The following PTPRR variants were observed in gnomAD, a reference collection of about 807,000 sequenced individuals.
PTPRR encodes the protein receptor-type tyrosine-protein phosphatase R.
A neutral mutation model predicts 77.2 loss-of-function variants in PTPRR; 38 were observed. The ratio of observed to expected loss-of-function variants is 0.49; its 90% CI spans 0.38 to 0.65. The LOEUF (loss-of-function observed/expected upper bound fraction) is 0.65. Among genes scored for constraint, PTPRR ranks in the 30% least tolerant of loss-of-function variants. The pLI is 0.00. For missense variants in PTPRR, 744 were observed against 799.2 expected, an observed-to-expected ratio of 0.93 and a Z score of 0.83; for synonymous variants, 299 against 283.1, an observed-to-expected ratio of 1.06 and a Z score of -0.57.
chr12:70,916,741 C>A (rs1480878858), intron 1 of PTPRR, among the ~76,000 whole-genome samples: 8 of 152,154 alleles, frequency 5.3e-5, no homozygotes, highest in African/African-American at 1.9e-4. Context: ...CCTCCCAGAT[C>A]TTCTTGGTAC....
chr12:70,689,818 A>G (rs1443476696), intron 8 of PTPRR, among the ~76,000 whole-genome samples: 1 of 152,194 alleles, frequency 6.6e-6, no homozygotes, highest in Non-Finnish European at 1.5e-5. Context: ...ATATCCAAAT[A>G]TGTACTTTAA....
At chr12:70,835,259 AT>A (rs760088076) in intron 2 of PTPRR, among the ~76,000 whole-genome samples, 4 of 152,132 alleles carry the variant, frequency 2.6e-5, no homozygotes, top group African/African-American at 4.8e-5. Flanking sequence ...TAAAATTGCT[AT>A]TTGAGAGGTC....
chr12:70,862,031 C>T (rs1213544629), intron 2 of PTPRR, among the ~76,000 whole-genome samples: 3 of 152,094 alleles, frequency 2.0e-5, no homozygotes, highest in Non-Finnish European at 4.4e-5. Flanking sequence ...CATGACCAGA[C>T]CTTTCCCACA....
chr12:70,800,583 G>C (rs1891597636), intron 2 of PTPRR, among the ~76,000 whole-genome samples: 1 of 151,966 alleles, frequency 6.6e-6, no homozygotes, highest in African/African-American at 2.4e-5. Flanking sequence ...ATTTACTAAT[G>C]AGGTAACTGA....
At chr12:70,816,430 C>A (rs916460965) in intron 2 of PTPRR, among the ~76,000 whole-genome samples, 1 of 151,750 alleles carries the variant, frequency 6.6e-6, no homozygotes, top group Non-Finnish European at 1.5e-5. Flanking sequence ...TAAGTCCTGG[C>A]CCAAGGAAAG....
At chr12:70,761,064 C>T (rs1471218902) in intron 4 of PTPRR, among the ~76,000 whole-genome samples, 1 of 152,030 alleles carries the variant, frequency 6.6e-6, no homozygotes, top group East Asian at 1.9e-4. Context: ...ATCTGGTGAC[C>T]ATTTTGACAA....
chr12:70,747,622 T>C (rs1044232402), intron 5 of PTPRR, among the ~76,000 whole-genome samples: 1 of 152,212 alleles, frequency 6.6e-6, no homozygotes, highest in Non-Finnish European at 1.5e-5. Flanking sequence ...TTCCTTACCA[T>C]TCATGAGCTT....
chr12:70,795,056 T>C (rs896386953), intron 2 of PTPRR, among the ~76,000 whole-genome samples: 1 of 152,206 alleles, frequency 6.6e-6, no homozygotes, highest in African/African-American at 2.4e-5. Flanking sequence ...ATAATCTCTG[T>C]TATAATGCAA....
At chr12:70,643,827 C>T (rs1332996567) in intron 13 of PTPRR, among the ~76,000 whole-genome samples, 1 of 151,688 alleles carries the variant, frequency 6.6e-6, no homozygotes, top group East Asian at 1.9e-4. Flanking sequence ...CTGGCTGGAT[C>T]GTGGCTCACT....
intron 2 of PTPRR, among the ~76,000 whole-genome samples, chr12:70,840,487 G>A (rs1181198238): frequency 6.6e-6 from 1 of 152,090 alleles, no homozygotes; most frequent in African/African-American, 2.4e-5. Flanking sequence ...CAGGAACTAG[G>A]ATGTGGACAT....
At chr12:70,656,419 G>A (rs1029307524) in intron 13 of PTPRR, among the ~76,000 whole-genome samples, 7 of 151,832 alleles carry the variant, frequency 4.6e-5, no homozygotes, top group South Asian at 2.1e-4. Flanking sequence ...TCCTAGCTAC[G>A]TGCGGGGGCT....
At chr12:70,658,094 A>G (rs796173469) in intron 12 of PTPRR, among the ~76,000 whole-genome samples, 6 of 152,170 alleles carry the variant, frequency 3.9e-5, no homozygotes, top group African/African-American at 1.4e-4. Context: ...CAAAATCTGA[A>G]TGTGACTAAC....
At position 70,638,457 on chromosome 12, in the gene PTPRR, G is replaced by C. The variant is rs1258081746; in HGVS notation, c.*727C>G. On this transcript the variant is annotated 3_prime_UTR_variant, in exon 14 of 14. Transcript: ENST00000283228. Reference sequence around the variant, plus strand: ...TGACTCACGATGTGGAAATACAGTGGATAGAGTTCTGGAGCAGAAGCCACC... The same window carrying C: ...TGACTCACGATGTGGAAATACAGTGCATAGAGTTCTGGAGCAGAAGCCACC... The C allele has an allele frequency of 6.6e-6, 1 of 152,550 alleles. No homozygotes were observed. Among genetic ancestry groups the C allele is most frequent in the Non-Finnish European group, 1.5e-5 (1 of 68,030 alleles). The allele number at this position is 152,550 out of a possible 1,614,324, so 9.4% of individuals were successfully genotyped here. A position where few individuals can be genotyped will look rare whatever the true frequency, so the allele number is the denominator to read the frequency against.
At chr12:70,916,986 G>C (rs531465747) in intron 1 of PTPRR, among the ~76,000 whole-genome samples, 1 of 152,270 alleles carries the variant, frequency 6.6e-6, no homozygotes, top group Admixed American at 6.5e-5. Context: ...GAAAAAGAAA[G>C]CTTTCACATG....
chr12:70,687,947 A>C (rs1887928438), intron 8 of PTPRR, among the ~76,000 whole-genome samples: 1 of 152,150 alleles, frequency 6.6e-6, no homozygotes, highest in African/African-American at 2.4e-5. Context: ...CCCTATGGAG[A>C]TGGAAGCTAG....
chr12:70,840,899 T>C (rs956060105), intron 2 of PTPRR, among the ~76,000 whole-genome samples: 1 of 151,584 alleles, frequency 6.6e-6, no homozygotes, highest in Non-Finnish European at 1.5e-5. Flanking sequence ...TACTATGAAG[T>C]CACCGTGCCA....
At chr12:70,917,441 T>C (rs1893791662) in intron 1 of PTPRR, among the ~76,000 whole-genome samples, 1 of 152,174 alleles carries the variant, frequency 6.6e-6, no homozygotes. Flanking sequence ...TTCTCACCTG[T>C]AAAATAAGCA....
At chr12:70,859,879 A>G (rs1202160957) in intron 2 of PTPRR, among the ~76,000 whole-genome samples, 1 of 152,074 alleles carries the variant, frequency 6.6e-6, no homozygotes, top group Non-Finnish European at 1.5e-5. Flanking sequence ...CCACAAACCA[A>G]GTGCTCAAAA....
rs542891246 is a variant in PTPRR, at chr12:70,652,217, T to TA, written c.1880+4486dup. On this transcript the variant is annotated intron_variant, in intron 13 of 13. Coordinates refer to ENST00000283228, the MANE Select transcript of PTPRR (RefSeq NM_002849.4). ...TACTGCCATGAGCCAAAAACATGGT[T>TA]AATGGCAGCAGTTAGCCACACATTG... Among the ~76,000 whole-genome samples, 13 of 152,282 alleles carry TA rather than the reference T, an allele frequency of 8.5e-5. No individual in the cohort carries two copies. In the South Asian group the frequency reaches 2.1e-3, roughly 24 times the overall value.
Sources: allele counts gnomAD v4.1 joint callset (sites outside exome capture counted in the v4.1 genomes callset), GRCh38; gene constraint gnomAD v4.1.1; transcripts MANE v1.5; gene names NCBI Gene and HGNC (gene_info 2026-07-23, HGNC 2026-07-21).